Variants in ARHGAP22 observed in about 807,000 individuals in gnomAD.
ARHGAP22 encodes Rho GTPase activating protein 22, also known as rho GTPase-activating protein 22.
In ARHGAP22, 48 loss-of-function variants were observed where a neutral mutation model predicts 59.1. The observed-to-expected ratio is 0.81, with a 90% CI of 0.64 to 1.03. The LOEUF (loss-of-function observed/expected upper bound fraction) is 1.03. ARHGAP22 is among the 50% of genes least tolerant of loss of function. The pLI is 0.00. For missense variants in ARHGAP22, 1,015 were observed against 958.7 expected (o/e 1.06, Z -0.78); for synonymous variants, 445 against 416.4 (o/e 1.07, Z -0.84).
At chr10:48,507,467 T>C (rs905471425) in intron 3 of ARHGAP22, among the ~76,000 whole-genome samples, 4 of 152,220 alleles carry the variant, frequency 2.6e-5, no homozygotes, top group South Asian at 2.1e-4. Context: ...CAGGAGGTGA[T>C]GGCTGACAGC....
chr10:48,614,590 GCAA>G (rs1565002010), intron 1 of ARHGAP22, among the ~76,000 whole-genome samples: 1 of 151,980 alleles, frequency 6.6e-6, no homozygotes, highest in East Asian at 1.9e-4. Context: ...AGCAGCAGCA[GCAA>G]CAACAACAAA....
At chr10:48,533,181 GT>G (rs75585707) in intron 3 of ARHGAP22, among the ~76,000 whole-genome samples, 2,876 of 142,388 alleles carry the variant, frequency 0.02, 84 homozygotes, top group African/African-American at 0.068. Context: ...TTGTTCTGTT[GT>G]TTTTTTTTTT....
intron 3 of ARHGAP22, among the ~76,000 whole-genome samples, chr10:48,535,722 G>A (rs2055286583): frequency 6.6e-6 from 1 of 152,232 alleles, no homozygotes; most frequent in Non-Finnish European, 1.5e-5. Flanking sequence ...TGCTTTGACT[G>A]AAACTGACGC....
chr10:48,545,077 T>C (rs1298621014), intron 3 of ARHGAP22, among the ~76,000 whole-genome samples: 2 of 152,230 alleles, frequency 1.3e-5, no homozygotes, highest in African/African-American at 4.8e-5. Flanking sequence ...AGCCAGTAGT[T>C]TAAATAAAAA....
At chr10:48,431,477 A>G in the ARHGAP22 span, among the ~76,000 whole-genome samples, 11 of 152,210 alleles carry the variant, frequency 7.2e-5, no homozygotes, top group Non-Finnish European at 1.3e-4. Flanking sequence ...ATCTTTTTCT[A>G]TGATACTGAC....
At chr10:48,509,667 A>G (rs1295518375) in intron 3 of ARHGAP22, among the ~76,000 whole-genome samples, 1 of 152,026 alleles carries the variant, frequency 6.6e-6, no homozygotes, top group Non-Finnish European at 1.5e-5. Context: ...CCCTCCCCGC[A>G]CAGCCCCATC....
chr10:48,507,764 C>T (rs1185122370), intron 3 of ARHGAP22, among the ~76,000 whole-genome samples: 2 of 152,074 alleles, frequency 1.3e-5, no homozygotes, highest in South Asian at 2.1e-4. Context: ...CAAGTGGGGG[C>T]GGCCACAGGC....
intron 4 of ARHGAP22, among the ~76,000 whole-genome samples, chr10:48,469,549 C>G (rs1438226418): frequency 6.6e-6 from 1 of 152,186 alleles, no homozygotes; most frequent in East Asian, 1.9e-4. Context: ...TTATGCCCCC[C>G]TCCCCAACCA....
chr10:48,471,374 G>A (rs544265231), intron 4 of ARHGAP22, among the ~76,000 whole-genome samples: 3 of 152,350 alleles, frequency 2.0e-5, no homozygotes, highest in African/African-American at 7.2e-5. Flanking sequence ...GTAAGGTTGG[G>A]ACAAACAGCT....
chr10:48,489,980 G>T (rs941556668), intron 3 of ARHGAP22, among the ~76,000 whole-genome samples: 1 of 152,018 alleles, frequency 6.6e-6, no homozygotes, highest in Non-Finnish European at 1.5e-5. Flanking sequence ...TGATCCACCC[G>T]CCTAGGCCTC....
In ARHGAP22 at chr10:48,542,007, C is replaced by T. The variant is rs1004467163; in HGVS notation, c.322+13456G>A. 5.3e-5 allele frequency among the ~76,000 whole-genome samples: 8 copies of T among 152,170 alleles called. No individual in the cohort carries two copies. In the East Asian group the frequency reaches 7.7e-4, roughly 15 times the overall value. ...CAGGAGAAGGCTGTAGGGCAGGGGC[C>T]GGGTGCTGGAGGGAAGAGCATGGCA... is the stretch of plus-strand genomic sequence containing the variant. On this transcript the variant is annotated intron_variant, in intron 3 of 9. Coordinates refer to ENST00000249601, the MANE Select transcript of ARHGAP22 (RefSeq NM_021226.4).
intron 3 of ARHGAP22, among the ~76,000 whole-genome samples, chr10:48,488,178 A>G (rs2050035528): frequency 6.6e-6 from 1 of 152,220 alleles, no homozygotes; most frequent in African/African-American, 2.4e-5. Context: ...AACCCCACCC[A>G]GCATTAGTTT....
At chr10:48,464,369 G>A (rs1277102466) in intron 4 of ARHGAP22, among the ~76,000 whole-genome samples, 8 of 152,300 alleles carry the variant, frequency 5.3e-5, no homozygotes, top group South Asian at 2.1e-4. Context: ...CCCCCATGGC[G>A]CCTTCCTGAA....
At chr10:48,459,046 G>A (rs1589481659) in intron 5 of ARHGAP22, among the ~76,000 whole-genome samples, 2 of 152,216 alleles carry the variant, frequency 1.3e-5, no homozygotes, top group African/African-American at 4.8e-5. Flanking sequence ...TTTTCCTGAT[G>A]TAGAGAGAAC....
chr10:48,493,974 AT>A (rs2050673423), intron 3 of ARHGAP22, among the ~76,000 whole-genome samples: 2 of 152,234 alleles, frequency 1.3e-5, no homozygotes, highest in Non-Finnish European at 2.9e-5. Flanking sequence ...GTAAGTGCTT[AT>A]GCCACATGGT....
chr10:48,551,272 T>G (rs929472765), intron 3 of ARHGAP22, among the ~76,000 whole-genome samples: 1 of 152,220 alleles, frequency 6.6e-6, no homozygotes, highest in Non-Finnish European at 1.5e-5. Context: ...GCATCTTGCC[T>G]GTCTGCCCTG....
At chr10:48,562,170 G>A (rs1179908791) in intron 2 of ARHGAP22, among the ~76,000 whole-genome samples, 2 of 151,336 alleles carry the variant, frequency 1.3e-5, no homozygotes, top group African/African-American at 4.9e-5. Context: ...AGGTTGCAGT[G>A]AGCTGAGATC....
At chr10:48,484,426 C>T (rs1411645241) in intron 3 of ARHGAP22, among the ~76,000 whole-genome samples, 2 of 152,144 alleles carry the variant, frequency 1.3e-5, no homozygotes, top group African/African-American at 4.8e-5. Flanking sequence ...TTTTATGTAT[C>T]TTCATGAGGG....
intron 3 of ARHGAP22, among the ~76,000 whole-genome samples, chr10:48,547,069 G>C (rs1314681073): frequency 6.6e-6 from 1 of 152,156 alleles, no homozygotes; most frequent in African/African-American, 2.4e-5. Flanking sequence ...GGGTGGTCTG[G>C]AACAGCACTG....
Sources: gnomAD v4.1 joint callset for allele counts (sites outside exome capture counted in the v4.1 genomes callset) on GRCh38, gnomAD v4.1.1 for gene constraint, MANE v1.5 for transcripts, NCBI Gene and HGNC (gene_info 2026-07-23, HGNC 2026-07-21) for gene names.